Variants in TMEM164 observed in about 807,000 individuals in gnomAD.
The protein encoded by TMEM164 is RP13-360B22.2.
In TMEM164, 4 loss-of-function variants were observed where a neutral mutation model predicts 18.8. The observed-to-expected ratio is 0.21, with a 90% CI of 0.10 to 0.49. TMEM164 has a LOEUF of 0.49. TMEM164 is among the 20% of genes least tolerant of loss of function. The pLI is 0.98. For missense variants in TMEM164, 108 were observed against 239.9 expected (o/e 0.45, Z 3.63); for synonymous variants, 86 against 101.7 (o/e 0.85, Z 0.93).
chrX:110,076,199 C>A (rs1358766186), intron 3 of TMEM164, among the ~76,000 whole-genome samples: 1 of 110,152 alleles, frequency 9.1e-6, no homozygotes, highest in East Asian at 2.8e-4. Context: ...CTGATTCATT[C>A]TTGGGAGGTT....
chrX:110,146,681 C>A (rs2066859912), intron 5 of TMEM164, among the ~76,000 whole-genome samples: 1 of 111,990 alleles, frequency 8.9e-6, no homozygotes, highest in Non-Finnish European at 1.9e-5. Context: ...TACCTTCTAT[C>A]TGGCCAACTT....
At chrX:110,037,984 A>ATTTTTTTTTTTTTTTT (rs1036705725) in intron 2 of TMEM164, among the ~76,000 whole-genome samples, 2 of 72,712 alleles carry the variant, frequency 2.8e-5, no homozygotes, top group African/African-American at 1.2e-4. Flanking sequence ...CTTTGGACTC[A>ATTTTTTTTTTTTTTTT]TTTTTTTTTT....
At position 110,011,484 on chromosome X, in the gene TMEM164, C is replaced by T. The variant is rs947266454; in HGVS notation, c.390+7320C>T. Reference sequence around the variant, plus strand: ...GGTGCTCAATAAATGTATTTGAATGCGTAGGAATTCATTGGGTGATGGAGG... The same window carrying T: ...GGTGCTCAATAAATGTATTTGAATGTGTAGGAATTCATTGGGTGATGGAGG... On this transcript the variant is annotated intron_variant, in intron 2 of 6. Transcript: ENST00000372068. Among the ~76,000 whole-genome samples the T allele has an allele frequency of 4.5e-5, 5 of 111,453 alleles. No homozygotes were observed. In the East Asian group the frequency reaches 8.5e-4, roughly 19 times the overall value.
chrX:110,026,779 G>C (rs60520874), intron 2 of TMEM164, among the ~76,000 whole-genome samples: 2,271 of 111,684 alleles, frequency 0.02, 62 homozygotes, highest in African/African-American at 0.071. Context: ...CCAACTGCTT[G>C]GTTGAGTCTC....
intron 4 of TMEM164, among the ~76,000 whole-genome samples, chrX:110,115,841 A>G (rs1448291120): frequency 1.8e-5 from 2 of 112,100 alleles, no homozygotes; most frequent in Non-Finnish European, 3.8e-5. Flanking sequence ...TGTAATCCCA[A>G]CATTTTGGGA....
chrX:110,150,250 G>C (rs768941043), intron 5 of TMEM164, among the ~76,000 whole-genome samples: 1 of 111,897 alleles, frequency 8.9e-6, no homozygotes, highest in African/African-American at 3.2e-5. Flanking sequence ...TACAGGATTA[G>C]GGGAGGTGAC....
intron 2 of TMEM164, among the ~76,000 whole-genome samples, chrX:110,066,335 A>T: frequency 8.9e-6 from 1 of 112,086 alleles, no homozygotes; most frequent in Non-Finnish European, 1.9e-5. Flanking sequence ...TCTAAACCAC[A>T]CCATTAAGTC....
chrX:110,171,603 C>A, intron 6 of TMEM164, 83 bp downstream of exon 6: 1 of 820,071 alleles, frequency 1.2e-6, no homozygotes, highest in Non-Finnish European at 1.8e-6. Flanking sequence ...GCTGACGTAT[C>A]ACTTTGTTTT....
rs994362308 is a variant in TMEM164 at position 110,020,307 on chromosome X, A to G, written c.390+16143A>G. 4 of 700,558 alleles carry G rather than the reference A, an allele frequency of 5.7e-6. No homozygotes were observed. The African/African-American group carries it at 9.5e-5, about 17-fold the overall frequency. 57.7% of individuals were successfully genotyped at this position (700,558 alleles called of 1,213,427 possible). ...TTTCCAGATGAGGAAACTGTGGCTT[A>G]GAGGAAAAGGTCATTAGTTCATTTT... On this transcript the variant is annotated intron_variant, in intron 2 of 6. Transcript: ENST00000372068.
chrX:110,077,952 A>G (rs185331382), intron 3 of TMEM164, among the ~76,000 whole-genome samples: 23 of 111,322 alleles, frequency 2.1e-4, no homozygotes, highest in African/African-American at 7.5e-4. Context: ...GTCATCTTGT[A>G]TAGTATCTTG....
intron 5 of TMEM164, among the ~76,000 whole-genome samples, chrX:110,156,487 G>A (rs1168552313): frequency 9.0e-6 from 1 of 111,043 alleles, no homozygotes; most frequent in Non-Finnish European, 1.9e-5. Context: ...GGTAAAATCC[G>A]TGAGGCCCCT....
At chrX:110,127,305 C>A (rs1602672146) in intron 4 of TMEM164, among the ~76,000 whole-genome samples, 1 of 110,894 alleles carries the variant, frequency 9.0e-6, no homozygotes, top group Non-Finnish European at 1.9e-5. Flanking sequence ...CTGAGGTTGG[C>A]AGTTCGAGAC....
At position 110,038,727 on chromosome X, in the gene TMEM164, T is replaced by C. The variant is rs547150941; in HGVS notation, c.391-28620T>C. 7.3e-5 allele frequency among the ~76,000 whole-genome samples: 8 copies of C among 109,091 alleles called. No individual in the cohort carries two copies. In the South Asian group the frequency reaches 3.2e-3, roughly 44 times the overall value. 94.7% of individuals were successfully genotyped at this position (109,091 alleles called of 115,157 possible). A position where few individuals can be genotyped will look rare whatever the true frequency, so the allele number is the denominator to read the frequency against. ...CCCCACCATACCTCACCTCACCTTC[T>C]CTCCTGCTCTTGAGAGACAACTAGG... On this transcript the variant is annotated intron_variant, in intron 2 of 6. Coordinates refer to ENST00000372068, the MANE Select transcript of TMEM164 (RefSeq NM_032227.4).
downstream of TMEM164, among the ~76,000 whole-genome samples, chrX:110,181,783 G>A (rs924394368): frequency 8.9e-6 from 1 of 112,845 alleles, no homozygotes; most frequent in African/African-American, 3.2e-5. Flanking sequence ...GGAATCCAGT[G>A]AGACCAGTGG....
chrX:110,042,434 T>C (rs1039210165), intron 2 of TMEM164, among the ~76,000 whole-genome samples: 1 of 112,470 alleles, frequency 8.9e-6, no homozygotes, highest in African/African-American at 3.2e-5. Context: ...AGTGGACATT[T>C]AGGTTGTTTC....
intron 4 of TMEM164, among the ~76,000 whole-genome samples, chrX:110,115,579 G>C (rs5942626): frequency 9.1e-6 from 1 of 109,633 alleles, no homozygotes; most frequent in African/African-American, 3.3e-5. Context: ...AGCTTTGAGG[G>C]TCTTAAATCC....
intron 2 of TMEM164, among the ~76,000 whole-genome samples, chrX:110,055,156 A>T (rs950958950): frequency 1.8e-5 from 2 of 111,518 alleles, no homozygotes; most frequent in African/African-American, 6.5e-5. Context: ...CCTGTTTTCA[A>T]TTCCATGCAA....
chrX:110,085,328 T>C, intron 3 of TMEM164, among the ~76,000 whole-genome samples: 1 of 35,044 alleles, frequency 2.9e-5, no homozygotes, highest in African/African-American at 3.5e-4. Context: ...GCTTGGCTAA[T>C]TAAAAAAAAT....
At chrX:110,089,835 C>G (rs935850505) in intron 3 of TMEM164, among the ~76,000 whole-genome samples, 2 of 111,772 alleles carry the variant, frequency 1.8e-5, no homozygotes, top group Non-Finnish European at 3.8e-5. Context: ...TAATGACCCT[C>G]CTGAGTAAAA....
Sources: allele counts gnomAD v4.1 joint callset (sites outside exome capture counted in the v4.1 genomes callset), GRCh38; gene constraint gnomAD v4.1.1; transcripts MANE v1.5; gene names NCBI Gene and HGNC (gene_info 2026-07-23, HGNC 2026-07-21).